The following RGS21 variants were observed in gnomAD, a reference collection of about 807,000 sequenced individuals.
RGS21 encodes the protein regulator of G protein signaling 21, also known as regulator of G-protein signalling 21.
Under a neutral mutation model 18.7 loss-of-function variants are expected in RGS21, and 19 were observed. The ratio of observed to expected loss-of-function variants is 1.01; its 90% CI spans 0.71 to 1.49. The LOEUF (loss-of-function observed/expected upper bound fraction) is 1.49. Among genes scored for constraint, RGS21 ranks in the 40% most tolerant of loss-of-function variants. The pLI is 0.00. For synonymous variants in RGS21, 56 were observed against 57.8 expected (o/e 0.97, Z 0.14); for missense variants, 194 against 176.8 (o/e 1.10, Z -0.55).
intron 2 of RGS21, among the ~76,000 whole-genome samples, chr1:192,345,379 T>C (rs1160141699): frequency 3.3e-5 from 5 of 152,166 alleles, no homozygotes; most frequent in African/African-American, 1.2e-4. Flanking sequence ...AGCTACACTT[T>C]TCAATACTTT....
chr1:192,362,204 G>A (rs1659196156), intron 4 of RGS21, among the ~76,000 whole-genome samples: 1 of 152,064 alleles, frequency 6.6e-6, no homozygotes, highest in African/African-American at 2.4e-5. Context: ...AAAATAATGG[G>A]TTTTCAGCTG....
chr1:192,366,924 G>C lies in RGS21; in HGVS notation c.*800G>C, dbSNP rs555980908. On this transcript the variant is annotated 3_prime_UTR_variant, in exon 5 of 5. Transcript: ENST00000417209. ...GCAACATTATCTACTCAATTGTGGG[G>C]AAGTATCTATTCACTCCTTCAGCAC... 6.6e-6 allele frequency: 1 copy of C among 152,130 alleles called. No individual in the cohort carries two copies. The highest frequency in any genetic ancestry group is 2.1e-4 in the South Asian group (1 of 4,818). The allele number at this position is 152,130 out of a possible 1,614,324, so 9.4% of individuals were successfully genotyped here.
chr1:192,342,076 G>C (rs1658879573), intron 1 of RGS21, among the ~76,000 whole-genome samples: 2 of 151,894 alleles, frequency 1.3e-5, no homozygotes, highest in Non-Finnish European at 2.9e-5. Flanking sequence ...CATTTCTATA[G>C]ATCAACTAGG....
intron 4 of RGS21, among the ~76,000 whole-genome samples, chr1:192,354,599 T>G (rs1349169384): frequency 1.3e-5 from 2 of 151,686 alleles, no homozygotes; most frequent in Non-Finnish European, 3.0e-5. Flanking sequence ...TTTGAGATGG[T>G]TGGAAAATAT....
chr1:192,328,734 A>G (rs1658603884), intron 1 of RGS21, among the ~76,000 whole-genome samples: 1 of 152,142 alleles, frequency 6.6e-6, no homozygotes, highest in Non-Finnish European at 1.5e-5. Context: ...ATAACTATAT[A>G]TGTATAAAAT....
chr1:192,360,952 T>C (rs1274637233), intron 4 of RGS21, among the ~76,000 whole-genome samples: 1 of 152,062 alleles, frequency 6.6e-6, no homozygotes, highest in Admixed American at 6.6e-5. Flanking sequence ...TCTTTTATCT[T>C]CAAATCCTAG....
At chr1:192,334,881 A>G (rs886276658) in intron 1 of RGS21, among the ~76,000 whole-genome samples, 1 of 152,140 alleles carries the variant, frequency 6.6e-6, no homozygotes, top group Middle Eastern at 3.2e-3. Flanking sequence ...CTTTTAAAAT[A>G]AACCATAATC....
intron 1 of RGS21, among the ~76,000 whole-genome samples, chr1:192,333,293 C>T (rs1250343458): frequency 6.6e-6 from 1 of 151,832 alleles, no homozygotes; most frequent in East Asian, 1.9e-4. Context: ...CACACACACA[C>T]ACACACACAC....
chr1:192,320,243 C>T (rs1124172), intron 1 of RGS21, among the ~76,000 whole-genome samples: 72,381 of 151,774 alleles, frequency 0.48, 18,232 homozygotes, highest in African/African-American at 0.62. Flanking sequence ...GACATAAGTT[C>T]AACTATCTAA....
At chr1:192,320,531 T>C (rs1658481639) in intron 1 of RGS21, among the ~76,000 whole-genome samples, 4 of 149,274 alleles carry the variant, frequency 2.7e-5, no homozygotes, top group Non-Finnish European at 5.9e-5. Flanking sequence ...TGTATATGTA[T>C]GTGTATGTGT....
chr1:192,328,669 C>T (rs1296837916), intron 1 of RGS21, among the ~76,000 whole-genome samples: 1 of 152,090 alleles, frequency 6.6e-6, no homozygotes, highest in African/African-American at 2.4e-5. Context: ...TATCAAAATA[C>T]ACATTCTGCT....
At chr1:192,355,883 C>A (rs745609250) in intron 4 of RGS21, among the ~76,000 whole-genome samples, 1 of 151,156 alleles carries the variant, frequency 6.6e-6, no homozygotes, top group South Asian at 2.1e-4. Context: ...GAAAATATGT[C>A]ATTAAAGAGA....
chr1:192,323,043 A>G (rs1182666472), intron 1 of RGS21, among the ~76,000 whole-genome samples: 3 of 152,174 alleles, frequency 2.0e-5, no homozygotes, highest in South Asian at 2.1e-4. Flanking sequence ...CTGTAAGACT[A>G]AAACTATTCC....
chr1:192,328,501 G>A (rs1489670016), intron 1 of RGS21, among the ~76,000 whole-genome samples: 2 of 152,054 alleles, frequency 1.3e-5, no homozygotes, highest in East Asian at 3.8e-4. Flanking sequence ...AATAAAACAG[G>A]CCATCAACTA....
intron 1 of RGS21, among the ~76,000 whole-genome samples, chr1:192,336,405 A>T (rs1343693124): frequency 6.6e-6 from 1 of 152,212 alleles, no homozygotes; most frequent in Non-Finnish European, 1.5e-5. Context: ...CAGTGAGCTG[A>T]GATCGTGCTA....
chr1:192,363,154 A>G (rs966273030), intron 4 of RGS21, among the ~76,000 whole-genome samples: 3 of 152,172 alleles, frequency 2.0e-5, no homozygotes, highest in African/African-American at 7.2e-5. Flanking sequence ...GGGCACACAT[A>G]AAAGAGAAGA....
At chr1:192,337,335 T>C (rs558277495) in intron 1 of RGS21, among the ~76,000 whole-genome samples, 1 of 152,044 alleles carries the variant, frequency 6.6e-6, no homozygotes, top group Non-Finnish European at 1.5e-5. Flanking sequence ...CAGACTGTGG[T>C]ATTCCATTGA....
intron 4 of RGS21, among the ~76,000 whole-genome samples, chr1:192,355,358 A>G (rs1020333992): frequency 1.3e-5 from 2 of 151,722 alleles, no homozygotes; most frequent in Non-Finnish European, 3.0e-5. Flanking sequence ...GAAACTAACT[A>G]TTGAAACAAC....
intron 4 of RGS21, among the ~76,000 whole-genome samples, chr1:192,358,880 C>T (rs911041258): frequency 2.1e-4 from 32 of 152,022 alleles, no homozygotes; most frequent in African/African-American, 6.8e-4. Context: ...AAATCACATG[C>T]ATATTAAAAT....
Sources: allele counts gnomAD v4.1 joint callset (sites outside exome capture counted in the v4.1 genomes callset), GRCh38; gene constraint gnomAD v4.1.1; transcripts MANE v1.5; gene names NCBI Gene and HGNC (gene_info 2026-07-23, HGNC 2026-07-21).